CALCR: variants seen among roughly 807,000 people sequenced by gnomAD.
CALCR encodes calcitonin receptor.
A neutral mutation model predicts 59.5 loss-of-function variants in CALCR; 47 were observed. The ratio of observed to expected loss-of-function variants is 0.79; its 90% CI spans 0.63 to 1.01. The LOEUF is 1.01. CALCR is among the 50% of genes least tolerant of loss of function. CALCR has a pLI of 0.00. For missense variants in CALCR, 566 were observed against 597.1 expected, an observed-to-expected ratio of 0.95 and a Z score of 0.54; for synonymous variants, 213 against 211.3, an observed-to-expected ratio of 1.01 and a Z score of -0.07.
At position 93,483,454 on chromosome 7, in the gene CALCR, TAGACAGAC is replaced by T. The variant is rs879428306; in HGVS notation, c.51+3469_51+3476del. On this transcript the variant is annotated intron_variant, in intron 3 of 13. Coordinates refer to ENST00000426151, the MANE Select transcript of CALCR (RefSeq NM_001742.4). ...ATAGATAGATAGATAGATAGATAGA[TAGACAGAC>T]AGATAGATAGATATAAACATATAAA... 5.4e-5 allele frequency among the ~76,000 whole-genome samples: 5 copies of T among 92,282 alleles called. No individual in the cohort carries two copies. In the East Asian group the frequency reaches 1.9e-3, roughly 35 times the overall value. 60.5% of individuals were successfully genotyped at this position (92,282 alleles called of 152,430 possible). A position where few individuals can be genotyped will look rare whatever the true frequency, so the allele number is the denominator to read the frequency against.
At chr7:93,561,193 C>A (rs2116265991) in intron 2 of CALCR, among the ~76,000 whole-genome samples, 1 of 152,238 alleles carries the variant, frequency 6.6e-6, no homozygotes, top group South Asian at 2.1e-4. Flanking sequence ...AATGTGTAAG[C>A]ACTTAGTAGG....
intron 2 of CALCR, among the ~76,000 whole-genome samples, chr7:93,496,135 C>A (rs181012495): frequency 1.3e-5 from 2 of 151,392 alleles, no homozygotes; most frequent in East Asian, 3.9e-4. Context: ...TGTGTCTATT[C>A]TTATAGATTG....
At chr7:93,442,466 C>T (rs887772539) in intron 9 of CALCR, among the ~76,000 whole-genome samples, 1 of 152,178 alleles carries the variant, frequency 6.6e-6, no homozygotes, top group Non-Finnish European at 1.5e-5. Flanking sequence ...CAGCCCCTTT[C>T]TGCAGTTTAC....
At chr7:93,453,603 A>G (rs543436317) in intron 8 of CALCR, among the ~76,000 whole-genome samples, 1 of 152,182 alleles carries the variant, frequency 6.6e-6, no homozygotes, top group East Asian at 1.9e-4. Flanking sequence ...CACTAAGTTC[A>G]TGACAGCCTT....
At chr7:93,492,121 C>T (rs2115959902) in intron 2 of CALCR, among the ~76,000 whole-genome samples, 1 of 151,620 alleles carries the variant, frequency 6.6e-6, no homozygotes. Context: ...TGAAAGCCAT[C>T]ATCCTCAGCA....
chr7:93,536,820 T>C (rs1225558052), intron 2 of CALCR, among the ~76,000 whole-genome samples: 3 of 151,856 alleles, frequency 2.0e-5, no homozygotes, highest in Admixed American at 1.3e-4. Context: ...TGGTGGAACT[T>C]AAGTATGAAT....
At chr7:93,473,385 T>TG (rs1431082974) in intron 5 of CALCR, among the ~76,000 whole-genome samples, 7 of 151,754 alleles carry the variant, frequency 4.6e-5, no homozygotes, top group Non-Finnish European at 1.0e-4. Flanking sequence ...CGAGTCTACT[T>TG]GATTCCAAAT....
chr7:93,557,430 T>C (rs1446420863), intron 2 of CALCR, among the ~76,000 whole-genome samples: 1 of 151,948 alleles, frequency 6.6e-6, no homozygotes, highest in Non-Finnish European at 1.5e-5. Flanking sequence ...ATGGTGATTG[T>C]AAATTTTTAG....
At chr7:93,512,825 T>G (rs1801574267) in intron 2 of CALCR, among the ~76,000 whole-genome samples, 1 of 152,100 alleles carries the variant, frequency 6.6e-6, no homozygotes, top group South Asian at 2.1e-4. Context: ...CAAGGAAAAT[T>G]TTATGGTTCT....
chr7:93,474,196 A>G (rs1171298087), intron 5 of CALCR, among the ~76,000 whole-genome samples: 3 of 151,758 alleles, frequency 2.0e-5, no homozygotes, highest in African/African-American at 7.2e-5. Context: ...AGGCTGGGAA[A>G]TCACATCAAT....
intron 11 of CALCR, among the ~76,000 whole-genome samples, chr7:93,436,860 C>A (rs550996781): frequency 6.6e-6 from 1 of 152,120 alleles, no homozygotes; most frequent in Non-Finnish European, 1.5e-5. Flanking sequence ...TTGCTAAATA[C>A]ATGTTTGATA....
At chr7:93,510,040 A>G (rs961770790) in intron 2 of CALCR, among the ~76,000 whole-genome samples, 6 of 152,192 alleles carry the variant, frequency 3.9e-5, no homozygotes, top group South Asian at 4.1e-4. Context: ...TTTATAAAGA[A>G]TAAACGACTC....
intron 7 of CALCR, among the ~76,000 whole-genome samples, chr7:93,465,023 A>G (rs1800411455): frequency 6.6e-6 from 1 of 151,970 alleles, no homozygotes; most frequent in South Asian, 2.1e-4. Context: ...CGTAATGTAG[A>G]CAATAAAATG....
chr7:93,447,558 C>A (rs1160260794), intron 8 of CALCR, among the ~76,000 whole-genome samples: 1 of 151,794 alleles, frequency 6.6e-6, no homozygotes, highest in Non-Finnish European at 1.5e-5. Context: ...AGAGGAAGAC[C>A]TTAAGTATGA....
At chr7:93,499,145 G>T (rs1801271119) in intron 2 of CALCR, among the ~76,000 whole-genome samples, 1 of 151,616 alleles carries the variant, frequency 6.6e-6, no homozygotes. Context: ...TACAAAACAT[G>T]TATTTGGCAG....
At chr7:93,551,652 C>T (rs947365534) in intron 2 of CALCR, among the ~76,000 whole-genome samples, 1 of 152,128 alleles carries the variant, frequency 6.6e-6, no homozygotes, top group African/African-American at 2.4e-5. Context: ...CTTTGGGAAA[C>T]AAATTTAAGA....
At chr7:93,446,732 GGT>G (rs1049659496) in intron 8 of CALCR, among the ~76,000 whole-genome samples, 7 of 151,832 alleles carry the variant, frequency 4.6e-5, no homozygotes, top group African/African-American at 1.7e-4. Flanking sequence ...AGCAGCATGG[GGT>G]ATTAAGGAAG....
At chr7:93,471,947 T>C (rs1270525440) in intron 6 of CALCR, among the ~76,000 whole-genome samples, 3 of 151,816 alleles carry the variant, frequency 2.0e-5, no homozygotes, top group Admixed American at 2.0e-4. Context: ...TATGCTTTAT[T>C]ACAAAACTAA....
chr7:93,428,410 G>T (rs1226176297), intron 13 of CALCR, among the ~76,000 whole-genome samples: 1 of 152,218 alleles, frequency 6.6e-6, no homozygotes, highest in Non-Finnish European at 1.5e-5. Flanking sequence ...AGCTTTAAAT[G>T]CCAGGGTTAT....
Sources: allele counts gnomAD v4.1 joint callset (sites outside exome capture counted in the v4.1 genomes callset), GRCh38; gene constraint gnomAD v4.1.1; transcripts MANE v1.5; gene names NCBI Gene and HGNC (gene_info 2026-07-23, HGNC 2026-07-21).